The following MUC13 variants were observed in gnomAD, a reference collection of about 807,000 sequenced individuals.
The protein encoded by MUC13 is mucin-13.
Under a neutral mutation model 48.3 loss-of-function variants are expected in MUC13, and 32 were observed. The observed-to-expected ratio is 0.66, with a 90% CI of 0.50 to 0.89. The LOEUF is 0.89. Ranked by LOEUF, MUC13 falls within the 40% of genes least tolerant of loss-of-function variation. MUC13 has a pLI of 0.00. For synonymous variants in MUC13, 199 were observed against 224.9 expected (o/e 0.88, Z 1.03); for missense variants, 571 against 622.8 (o/e 0.92, Z 0.88).
At position 124,927,796 on chromosome 3, in the gene MUC13, T is replaced by G; in HGVS notation, c.250A>C (p.Thr84Pro). The G allele has an allele frequency of 6.2e-7, 1 of 1,613,044 alleles. No individual in the cohort carries two copies. The highest frequency in any genetic ancestry group is 8.5e-7 in the Non-Finnish European group (1 of 1,179,734). The change falls in exon 2 of 12, where the codon ACA (threonine) becomes CCA (proline). Residue 84 changes from threonine to proline, a missense_variant. By Grantham distance (38) the Thr-to-Pro change is conservative. Coordinates refer to ENST00000616727, the MANE Select transcript of MUC13 (RefSeq NM_033049.4). The stretch of plus-strand genomic sequence containing the variant: ...GTACTAATTATGGGGGGAGCAGGTG[T>G]AGGAATTGTGGAGGAACTATGTGTA... Reference protein sequence around the residue: ...ISTHSSSTIPTPAPPIISTHS... With the variant: ...ISTHSSSTIPPPAPPIISTHS...
intron 5 of MUC13, among the ~76,000 whole-genome samples, chr3:124,919,942 GACAA>G (rs1430318514): frequency 1.3e-5 from 2 of 152,170 alleles, no homozygotes; most frequent in Non-Finnish European, 2.9e-5. Flanking sequence ...ATGGGATCAA[GACAA>G]ACAAAGAGAT....
At position 124,914,850 on chromosome 3, in the gene MUC13, C is replaced by G. The variant is rs189194460; in HGVS notation, c.965-1169G>C. 9.5e-4 allele frequency among the ~76,000 whole-genome samples: 145 copies of G among 152,164 alleles called. 1 individual carries two copies. The highest frequency in any genetic ancestry group is 3.4e-3 in the Middle Eastern group (1 of 294). ...CTGAGGCAGGAGAATCGCTTGAACC[C>G]GGGAGTTGGAGGTTGTGGTGAGCCA... On this transcript the variant is annotated intron_variant, in intron 6 of 11. Coordinates refer to ENST00000616727, the MANE Select transcript of MUC13 (RefSeq NM_033049.4).
chr3:124,913,926 G>A (rs1245696779), intron 6 of MUC13, among the ~76,000 whole-genome samples: 2 of 152,110 alleles, frequency 1.3e-5, no homozygotes, highest in African/African-American at 4.8e-5. Flanking sequence ...GCTGGGCATG[G>A]TGGCAAGCTC....
intron 8 of MUC13, 120 bp from the exon 9 acceptor site, chr3:124,912,261 C>CT (rs1935432183): frequency 2.8e-6 from 4 of 1,424,192 alleles, no homozygotes; most frequent in Non-Finnish European, 3.8e-6. Context: ...TCCTCCCTTG[C>CT]TTTTTTTCCT....
In MUC13 at chr3:124,905,527, A is replaced by T. The variant is rs925348081; in HGVS notation, c.*1216T>A. The T allele has an allele frequency of 2.0e-5, 3 of 152,776 alleles. No homozygotes were observed. The highest frequency in any genetic ancestry group is 2.9e-5 in the Non-Finnish European group (2 of 68,046). The allele number at this position is 152,776 out of a possible 1,614,324, so 9.5% of individuals were successfully genotyped here. On this transcript the variant is annotated 3_prime_UTR_variant, in exon 12 of 12. Transcript: ENST00000616727. ...AATAATAACAAATAAAATAACTTTTAAGAGGACAAGGCATTAGAAATAAAA... is the reference window on the plus strand; with the variant it reads ...AATAATAACAAATAAAATAACTTTTTAGAGGACAAGGCATTAGAAATAAAA...
chr3:124,925,260 G>A (rs181239299), intron 2 of MUC13, among the ~76,000 whole-genome samples: 154 of 152,280 alleles, frequency 1.0e-3, no homozygotes, highest in African/African-American at 3.3e-3. Flanking sequence ...ATGACTTTCT[G>A]GAAAAGGCAA....
At chr3:124,922,414 T>A in intron 3 of MUC13, 111 bp from the exon 4 acceptor site, 1 of 1,301,662 alleles carries the variant, frequency 7.7e-7, no homozygotes, top group Non-Finnish European at 1.0e-6. Context: ...ATAACGACAC[T>A]ACAGGAAATC....
At position 124,916,451 on chromosome 3, in the gene MUC13, C is replaced by A; in HGVS notation, c.830G>T (p.Arg277Leu). ...TACATTAACAAACTTGTCATCAGCACGCATTTCAGATCTTGGTGACAGAGA... is the reference window on the plus strand; with the variant it reads ...TACATTAACAAACTTGTCATCAGCAAGCATTTCAGATCTTGGTGACAGAGA... Reference protein sequence around the residue: ...STSLSPRSEMRADDKFVNVTI... With the variant: ...STSLSPRSEMLADDKFVNVTI... Residue 277 changes from arginine (R) to leucine (L), a missense_variant, in exon 6 of 12, where the codon CGT (arginine) becomes CTT (leucine). Physicochemically the swap from Arg to Leu is moderately radical, Grantham distance 102. Coordinates refer to ENST00000616727, the MANE Select transcript of MUC13 (RefSeq NM_033049.4). The A allele has an allele frequency of 6.2e-7, 1 of 1,613,058 alleles. No individual in the cohort carries two copies. Among genetic ancestry groups the A allele is most frequent in the Non-Finnish European group, 8.5e-7 (1 of 1,179,574 alleles).
intron 1 of MUC13, among the ~76,000 whole-genome samples, chr3:124,931,611 G>A (rs951884222): frequency 2.0e-5 from 3 of 151,892 alleles, no homozygotes; most frequent in Non-Finnish European, 4.4e-5. Flanking sequence ...AGCTGGGCGT[G>A]GTGGCAGGCA....
At chr3:124,907,668 AG>A (rs1387033636) in intron 11 of MUC13, among the ~76,000 whole-genome samples, 3 of 152,008 alleles carry the variant, frequency 2.0e-5, no homozygotes, top group African/African-American at 7.3e-5. Context: ...AGAGAGAGAG[AG>A]AGAGAGAGAG....
intron 4 of MUC13, 48 bp downstream of exon 4, chr3:124,922,149 G>A: frequency 6.2e-7 from 1 of 1,605,666 alleles, no homozygotes; most frequent in Non-Finnish European, 8.5e-7. Flanking sequence ...GCAACTCAGT[G>A]TTAGAACAAA....
intron 1 of MUC13, among the ~76,000 whole-genome samples, chr3:124,929,170 C>CTTTTTTTTTTTTTTTTTTTTTT (rs1238533365): frequency 7.4e-6 from 1 of 134,400 alleles, no homozygotes. Context: ...TTCCCCCACT[C>CTTTTTTTTTTTTTTTTTTTTTT]TTTTATTTTA....
At chr3:124,925,067 T>G (rs553542859) in intron 2 of MUC13, among the ~76,000 whole-genome samples, 3 of 152,288 alleles carry the variant, frequency 2.0e-5, no homozygotes, top group Admixed American at 1.3e-4. Context: ...TGCCACTACT[T>G]GGAAGCAACC....
chr3:124,913,647 C>A lies in MUC13; in HGVS notation c.999G>T (p.Gln333His). 1 of 1,614,170 alleles carries A rather than the reference C, an allele frequency of 6.2e-7. No homozygotes were observed. The highest frequency in any genetic ancestry group is 8.5e-7 in the Non-Finnish European group (1 of 1,180,014). Residue 333 changes from glutamine (Q) to histidine (H), a missense_variant, in exon 7 of 12, where the codon CAG (glutamine) becomes CAT (histidine). By Grantham distance (24) the Gln-to-His change is conservative. Coordinates refer to ENST00000616727, the MANE Select transcript of MUC13 (RefSeq NM_033049.4). Reference protein sequence around the residue: ...TLRCDYYGCNQTADDCLNGLA... With the variant: ...TLRCDYYGCNHTADDCLNGLA... Reference sequence around the variant, plus strand: ...AACCATTGAGGCAGTCATCCGCAGTCTGGTTACAGCCATAATAATCACACC... The same window carrying A: ...AACCATTGAGGCAGTCATCCGCAGTATGGTTACAGCCATAATAATCACACC...
chr3:124,919,365 T>A (rs896883909), intron 5 of MUC13, among the ~76,000 whole-genome samples: 6 of 150,232 alleles, frequency 4.0e-5, no homozygotes, highest in African/African-American at 1.5e-4. Context: ...GGTTTTTTTT[T>A]TTTTTGTAGA....
At chr3:124,917,398 G>A (rs2107669782) in intron 5 of MUC13, among the ~76,000 whole-genome samples, 1 of 149,858 alleles carries the variant, frequency 6.7e-6, no homozygotes, top group South Asian at 2.1e-4. Context: ...CCAGGCTGGA[G>A]TGCGGTGGTG....
intron 9 of MUC13, 122 bp downstream of exon 9, chr3:124,911,982 G>A (rs1197394356): frequency 2.2e-6 from 3 of 1,353,460 alleles, no homozygotes. Flanking sequence ...GAGGCAGATG[G>A]TCTCTCTCTT....
At chr3:124,913,511 G>A (rs771423843) in intron 7 of MUC13, 51 bp downstream of exon 7, 73 of 1,611,174 alleles carry the variant, frequency 4.5e-5, no homozygotes, top group Non-Finnish European at 3.0e-5. Context: ...TGTTGCAAAA[G>A]AAGAGAAAGT....
rs1212014900 is a variant in MUC13, at chr3:124,908,220, A to C, written c.1466T>G (p.Ile489Arg). Residue 489 changes from isoleucine to arginine, a missense_variant, in exon 11 of 12, where the codon ATA (isoleucine) becomes AGA (arginine). By Grantham distance (97) the Ile-to-Arg change is moderately conservative (BLOSUM62 -3). Transcript: ENST00000616727. ...AEGSVFPKVR[I>R]TASRDSQMQN... ...CATCTGGCTGTCTCTGGAGGCCGTTATCCTGACCTTAGGAAAGACGCTCCC... is the reference window on the plus strand; with the variant it reads ...CATCTGGCTGTCTCTGGAGGCCGTTCTCCTGACCTTAGGAAAGACGCTCCC... The C allele has an allele frequency of 1.9e-5, 30 of 1,614,166 alleles. No individual in the cohort carries two copies. The highest frequency in any genetic ancestry group is 2.5e-5 in the Non-Finnish European group (30 of 1,180,040).
Sources: allele counts gnomAD v4.1 joint callset (sites outside exome capture counted in the v4.1 genomes callset), GRCh38; gene constraint gnomAD v4.1.1; transcripts MANE v1.5; gene names NCBI Gene and HGNC (gene_info 2026-07-23, HGNC 2026-07-21).